AGBL4: variants seen among roughly 807,000 people sequenced by gnomAD.
The protein encoded by AGBL4 is AGBL carboxypeptidase 4, also known as cytosolic carboxypeptidase 6.
Under a neutral mutation model 66.4 loss-of-function variants are expected in AGBL4, and 58 were observed. The ratio of observed to expected loss-of-function variants is 0.87; its 90% CI spans 0.71 to 1.09. The LOEUF (loss-of-function observed/expected upper bound fraction) is 1.09. Ranked by LOEUF, AGBL4 falls within the 50% of genes least tolerant of loss-of-function variation. AGBL4 has a pLI of 0.00. For missense variants in AGBL4, 579 were observed against 631.0 expected (o/e 0.92, Z 0.88); for synonymous variants, 234 against 222.9 (o/e 1.05, Z -0.44).
chr1:48,772,364 G>A (rs1009359907), intron 6 of AGBL4, among the ~76,000 whole-genome samples: 3 of 152,182 alleles, frequency 2.0e-5, no homozygotes, highest in Admixed American at 6.5e-5. Flanking sequence ...GGTGGAGGGG[G>A]GCTGGACCAC....
At chr1:49,440,484 G>A (rs1217153602) in intron 3 of AGBL4, among the ~76,000 whole-genome samples, 6 of 152,188 alleles carry the variant, frequency 3.9e-5, no homozygotes, top group Non-Finnish European at 8.8e-5. Context: ...GAGAGGCAAG[G>A]AGTTTAGTGA....
intron 5 of AGBL4, among the ~76,000 whole-genome samples, chr1:48,966,380 G>C (rs1206801918): frequency 1.3e-5 from 2 of 152,064 alleles, no homozygotes; most frequent in Non-Finnish European, 2.9e-5. Context: ...TGCTAATGAA[G>C]TCATCCTCAA....
At chr1:49,080,072 T>C (rs1298924957) in intron 4 of AGBL4, among the ~76,000 whole-genome samples, 1 of 152,158 alleles carries the variant, frequency 6.6e-6, no homozygotes, top group East Asian at 1.9e-4. Context: ...AAATCCCCAA[T>C]TAAAGTCTAG....
intron 5 of AGBL4, among the ~76,000 whole-genome samples, chr1:48,870,813 C>G (rs984855351): frequency 2.6e-5 from 4 of 152,278 alleles, no homozygotes; most frequent in Admixed American, 1.3e-4. Flanking sequence ...GTGGCACAAG[C>G]AGATATGCGT....
chr1:49,235,394 G>A (rs557869444), intron 4 of AGBL4, among the ~76,000 whole-genome samples: 34 of 152,310 alleles, frequency 2.2e-4, no homozygotes, highest in African/African-American at 8.2e-4. Flanking sequence ...ACCATTTGAT[G>A]GCAAAGTCAG....
intron 4 of AGBL4, among the ~76,000 whole-genome samples, chr1:49,092,482 C>G (rs777043528): frequency 3.6e-4 from 55 of 152,092 alleles, no homozygotes; most frequent in Non-Finnish European, 6.3e-4. Context: ...TTGCTTCTAC[C>G]TTTTCAATTT....
intron 6 of AGBL4, among the ~76,000 whole-genome samples, chr1:48,827,995 TACACACACACACACACAC>T (rs375257744): frequency 3.9e-4 from 46 of 116,978 alleles, no homozygotes; most frequent in South Asian, 1.7e-3. Context: ...CTACTAAAAA[TACACACACACACACACAC>T]ACACACACAC....
At chr1:49,155,766 T>G (rs1646418010) in intron 4 of AGBL4, among the ~76,000 whole-genome samples, 1 of 152,110 alleles carries the variant, frequency 6.6e-6, no homozygotes, top group Non-Finnish European at 1.5e-5. Flanking sequence ...AAGATAACAG[T>G]GTTAACAACA....
chr1:48,995,981 G>C (rs1660965595), intron 5 of AGBL4, among the ~76,000 whole-genome samples: 1 of 152,144 alleles, frequency 6.6e-6, no homozygotes, highest in Admixed American at 6.5e-5. Context: ...ATATAATAGT[G>C]ACCTGGATTA....
intron 7 of AGBL4, among the ~76,000 whole-genome samples, chr1:48,660,758 A>C (rs1646094346): frequency 6.6e-6 from 1 of 152,170 alleles, no homozygotes; most frequent in Non-Finnish European, 1.5e-5. Context: ...TAGCCGTGTG[A>C]CTTTGGGTAA....
chr1:49,022,900 C>A (rs546855443), intron 5 of AGBL4, among the ~76,000 whole-genome samples: 52 of 152,226 alleles, frequency 3.4e-4, no homozygotes, highest in African/African-American at 1.2e-3. Flanking sequence ...ATGAACAATT[C>A]CAAATTACAA....
chr1:49,445,322 G>T (rs920048345), intron 3 of AGBL4, among the ~76,000 whole-genome samples: 1 of 151,924 alleles, frequency 6.6e-6, no homozygotes, highest in Non-Finnish European at 1.5e-5. Flanking sequence ...TCTTGAAGAA[G>T]AATTTTTTAA....
intron 1 of AGBL4, among the ~76,000 whole-genome samples, chr1:49,969,564 C>G (rs1293424760): frequency 6.6e-6 from 1 of 152,140 alleles, no homozygotes; most frequent in Non-Finnish European, 1.5e-5. Flanking sequence ...CACCTACTAT[C>G]TACTTCTTCT....
chr1:49,990,055 A>T (rs546291073), intron 1 of AGBL4, among the ~76,000 whole-genome samples: 2 of 152,220 alleles, frequency 1.3e-5, no homozygotes, highest in Non-Finnish European at 2.9e-5. Context: ...CTCTAGGCAT[A>T]ACAAACAAAT....
chr1:48,759,239 C>T lies in AGBL4; in HGVS notation c.635-95998G>A, dbSNP rs750979533. On this transcript the variant is annotated intron_variant, in intron 6 of 13. Coordinates refer to ENST00000371839, the MANE Select transcript of AGBL4 (RefSeq NM_032785.4). ...TTCTCTAGCCGAGCCACCACTGCCT[C>T]GATGCTCTTGTGCGCCACTTCGCTC... The T allele has an allele frequency of 3.1e-6, 5 of 1,591,670 alleles. No individual in the cohort carries two copies. Among genetic ancestry groups the T allele is most frequent in the African/African-American group, 2.7e-5 (2 of 74,404 alleles).
chr1:49,712,455 G>A (rs1413499972), intron 2 of AGBL4, among the ~76,000 whole-genome samples: 1 of 151,656 alleles, frequency 6.6e-6, no homozygotes, highest in South Asian at 2.1e-4. Flanking sequence ...GTGGGGGCAG[G>A]GAATGAAGAA....
chr1:48,637,583 G>A (rs573627004), intron 8 of AGBL4, among the ~76,000 whole-genome samples: 4 of 152,352 alleles, frequency 2.6e-5, no homozygotes, highest in African/African-American at 7.2e-5. Context: ...TCCTGCCCAG[G>A]ACGTAAACTT....
At chr1:49,406,779 A>G (rs1645208854) in intron 3 of AGBL4, among the ~76,000 whole-genome samples, 1 of 152,106 alleles carries the variant, frequency 6.6e-6, no homozygotes, top group Non-Finnish European at 1.5e-5. Flanking sequence ...TATAAAATAA[A>G]TGCAGGCCAG....
At chr1:48,836,514 A>G (rs1282921389) in intron 6 of AGBL4, among the ~76,000 whole-genome samples, 1 of 152,036 alleles carries the variant, frequency 6.6e-6, no homozygotes, top group Non-Finnish European at 1.5e-5. Context: ...TGACACCTTG[A>G]ATCAGGGCTA....
Sources: allele counts gnomAD v4.1 joint callset (sites outside exome capture counted in the v4.1 genomes callset), GRCh38; gene constraint gnomAD v4.1.1; transcripts MANE v1.5; gene names NCBI Gene and HGNC (gene_info 2026-07-23, HGNC 2026-07-21).